The following FLYWCH2 variants were observed in gnomAD, a reference collection of about 807,000 sequenced individuals.
FLYWCH2 encodes the protein FLYWCH family member 2.
FLYWCH2 carries 2 observed loss-of-function variants against 6.0 expected under a neutral mutation model. The ratio of observed to expected loss-of-function variants is 0.33; its 90% CI spans 0.14 to 1.04. The LOEUF (loss-of-function observed/expected upper bound fraction) is 1.04, where lower values mean the gene tolerates loss of function less well. Ranked by LOEUF, FLYWCH2 falls within the 50% of genes least tolerant of loss-of-function variation. FLYWCH2 has a pLI of 0.45. For synonymous variants in FLYWCH2, 87 were observed against 79.3 expected (o/e 1.10, Z -0.52); for missense variants, 192 against 183.4 (o/e 1.05, Z -0.27).
In FLYWCH2 at chr16:2,890,972, T is replaced by A. The variant is rs180926795; in HGVS notation, c.-199-4248T>A. Among the ~76,000 whole-genome samples, 14 of 152,336 alleles carry A rather than the reference T, an allele frequency of 9.2e-5. No homozygotes were observed. In the East Asian group the frequency reaches 2.7e-3, roughly 29 times the overall value. On this transcript the variant is annotated intron_variant, in intron 1 of 3. Transcript: ENST00000396958. Reference sequence around the variant, plus strand: ...AGTGTCCGCACATACTGTTTAGAATTCCTCTTAAGGAAGATTTGTCCCTTC... The same window carrying A: ...AGTGTCCGCACATACTGTTTAGAATACCTCTTAAGGAAGATTTGTCCCTTC...
intron 1 of FLYWCH2, among the ~76,000 whole-genome samples, chr16:2,883,852 A>G (rs368982178): frequency 1.3e-5 from 2 of 152,220 alleles, no homozygotes; most frequent in Non-Finnish European, 2.9e-5. Context: ...TTTGATGCCA[A>G]TTGCATTGGG....
In FLYWCH2 at chr16:2,896,722, T is replaced by C; in HGVS notation, c.273T>C (p.Ile91=). ...CCCACCCCGAGGCCCAGCGGGCCATTGAGGCAGCCCCTCAGGAGCCTGAGC... is the reference window on the plus strand; with the variant it reads ...CCCACCCCGAGGCCCAGCGGGCCATCGAGGCAGCCCCTCAGGAGCCTGAGC... ...LQTHPEAQRA[I]EAAPQEPEQK... The change falls in exon 3 of 4, where the codon ATT becomes ATC. Residue 91 remains isoleucine, a synonymous_variant. Coordinates refer to ENST00000396958, the MANE Select transcript of FLYWCH2 (RefSeq NM_138439.3). 6.2e-7 allele frequency: 1 copy of C among 1,612,220 alleles called. No individual in the cohort carries two copies.
intron 1 of FLYWCH2, among the ~76,000 whole-genome samples, chr16:2,885,985 C>G (rs542443911): frequency 6.6e-6 from 1 of 152,172 alleles, no homozygotes; most frequent in African/African-American, 2.4e-5. Flanking sequence ...CTCATCCTCA[C>G]CAGCACTTGC....
intron 1 of FLYWCH2, among the ~76,000 whole-genome samples, chr16:2,884,574 A>AAAAAAAAAAAAAAC (rs1183267272): frequency 2.1e-5 from 3 of 144,508 alleles, no homozygotes; most frequent in Non-Finnish European, 4.6e-5. Context: ...AAAAAAAAAA[A>AAAAAAAAAAAAAAC]AAATACAAAA....
Position 2,899,108 on chromosome 16 carries a change from A to G in FLYWCH2, c.382A>G (p.Asn128Asp). The change falls in exon 4 of 4, where the codon AAC becomes GAC. Residue 128 changes from asparagine (N) to aspartate (D), a missense_variant. By Grantham distance (23) the Asn-to-Asp change is conservative. Transcript: ENST00000396958. ...AAGPPEAAGE[N>D]FAPCSVAPGK... is the part of the protein sequence containing the mutation. ...GGGGCCTCCTGAGGCTGCTGGGGAGAACTTTGCCCCCTGCTCTGTGGCGCC... is the reference window on the plus strand; with the variant it reads ...GGGGCCTCCTGAGGCTGCTGGGGAGGACTTTGCCCCCTGCTCTGTGGCGCC... 9.3e-6 allele frequency: 15 copies of G among 1,613,576 alleles called. No individual in the cohort carries two copies. The highest frequency in any genetic ancestry group is 1.3e-5 in the Non-Finnish European group (15 of 1,179,842).
chr16:2,889,126 GT>G (rs201542187), intron 1 of FLYWCH2, among the ~76,000 whole-genome samples: 41 of 96,454 alleles, frequency 4.3e-4, no homozygotes, highest in Middle Eastern at 5.2e-3. Flanking sequence ...AAAATTTGGT[GT>G]TTTTTTGTTG....
rs1266372852 is a variant in FLYWCH2, at chr16:2,883,785, TC to T, written c.-200+420del. On this transcript the variant is annotated intron_variant, in intron 1 of 3. Coordinates refer to ENST00000396958, the MANE Select transcript of FLYWCH2 (RefSeq NM_138439.3). ...ACTCGGGGCCTCAGGGTGTGGGTAT[TC>T]TTGAGAGAGGAGAGAGCCGGGGAGC... Among the ~76,000 whole-genome samples the T allele has an allele frequency of 2.0e-5, 3 of 152,128 alleles. No individual in the cohort carries two copies. In the East Asian group the frequency reaches 5.8e-4, roughly 29 times the overall value.
chr16:2,884,250 C>T (rs549343917), intron 1 of FLYWCH2, among the ~76,000 whole-genome samples: 5 of 152,188 alleles, frequency 3.3e-5, no homozygotes, highest in South Asian at 2.1e-4. Context: ...GATTTGTCCT[C>T]GCGGCTGAGG....
Position 2,883,261 on chromosome 16 carries a change from C to T in FLYWCH2, c.-305C>T, listed in dbSNP as rs1448274444. On this transcript the variant is annotated 5_prime_UTR_variant, in exon 1 of 4. Coordinates refer to ENST00000396958, the MANE Select transcript of FLYWCH2 (RefSeq NM_138439.3). ...CTTGCTGCGCATGCTCGCGCTGTGA[C>T]CCCGGCTTGAGGTAACAGCGCGAGC... 3 of 152,298 alleles carry T rather than the reference C, an allele frequency of 2.0e-5. No individual in the cohort carries two copies. The East Asian group carries it at 5.8e-4, about 29-fold the overall frequency. The allele number at this position is 152,298 out of a possible 1,614,324, so 9.4% of individuals were successfully genotyped here. A position where few individuals can be genotyped will look rare whatever the true frequency, so the allele number is the denominator to read the frequency against.
Position 2,896,636 on chromosome 16 carries a change from C to T in FLYWCH2, c.187C>T (p.His63Tyr), listed in dbSNP as rs1444391062. The T allele has an allele frequency of 6.2e-7, 1 of 1,613,876 alleles. No homozygotes were observed. The highest frequency in any genetic ancestry group is 8.5e-7 in the Non-Finnish European group (1 of 1,179,978). Residue 63 changes from histidine (H) to tyrosine (Y), a missense_variant, in exon 3 of 4, where the codon CAC (histidine) becomes TAC (tyrosine). Transcript: ENST00000396958. ...GGCGGGGGCCAAGCGCAAGGGTGTG[C>T]ACTGTGTCATGTCCCTGGGGGTGCC... ...KVAGAKRKGV[H>Y]CVMSLGVPGP...
intron 1 of FLYWCH2, among the ~76,000 whole-genome samples, chr16:2,890,728 G>C (rs996418595): frequency 6.6e-6 from 1 of 151,954 alleles, no homozygotes; most frequent in Non-Finnish European, 1.5e-5. Flanking sequence ...AGCCACGCCT[G>C]ACTAATTTTT....
intron 1 of FLYWCH2, among the ~76,000 whole-genome samples, chr16:2,890,175 G>A (rs1429627113): frequency 6.6e-6 from 1 of 151,194 alleles, no homozygotes; most frequent in Non-Finnish European, 1.5e-5. Flanking sequence ...GGTGTAATCT[G>A]GGATCTGATC....
chr16:2,883,348 G>A lies in FLYWCH2; in HGVS notation c.-218G>A, dbSNP rs2069661712. The A allele has an allele frequency of 6.6e-6, 1 of 152,336 alleles. No homozygotes were observed. Among genetic ancestry groups the A allele is most frequent in the Non-Finnish European group, 1.5e-5 (1 of 68,120 alleles). 9.4% of individuals were successfully genotyped at this position (152,336 alleles called of 1,614,324 possible). A position where few individuals can be genotyped will look rare whatever the true frequency, so the allele number is the denominator to read the frequency against. ...CGCCGCGGCGCTGTCGCCGGAGAGG[G>A]AGGGCACCGCTGTCGTCGGTGAGGA... On this transcript the variant is annotated 5_prime_UTR_variant, in exon 1 of 4. Coordinates refer to ENST00000396958, the MANE Select transcript of FLYWCH2 (RefSeq NM_138439.3).
At chr16:2,892,504 A>AC (rs2150847592) in intron 1 of FLYWCH2, among the ~76,000 whole-genome samples, 1 of 148,860 alleles carries the variant, frequency 6.7e-6, no homozygotes, top group South Asian at 2.1e-4. Flanking sequence ...TCAAAAAAAA[A>AC]ACACAATTTA....
At chr16:2,898,279 G>T (rs1370333539) in intron 3 of FLYWCH2, among the ~76,000 whole-genome samples, 2 of 152,142 alleles carry the variant, frequency 1.3e-5, no homozygotes, top group African/African-American at 4.8e-5. Flanking sequence ...GCAGTGCTCT[G>T]GGACTCAGAG....
chr16:2,898,356 C>G (rs2069846217), intron 3 of FLYWCH2, among the ~76,000 whole-genome samples: 1 of 152,202 alleles, frequency 6.6e-6, no homozygotes, highest in Non-Finnish European at 1.5e-5. Context: ...CCATCCAGTC[C>G]TGCTCTGAGA....
chr16:2,893,488 C>T (rs1289956647), intron 1 of FLYWCH2, among the ~76,000 whole-genome samples: 1 of 152,192 alleles, frequency 6.6e-6, no homozygotes, highest in African/African-American at 2.4e-5. Context: ...CGATTCCCTT[C>T]TTGTTACAGC....
intron 1 of FLYWCH2, among the ~76,000 whole-genome samples, chr16:2,890,399 A>C: frequency 6.9e-6 from 1 of 144,716 alleles, no homozygotes; most frequent in East Asian, 2.0e-4. Context: ...CTAGGTGCAC[A>C]GCACCATGCC....
chr16:2,895,513 G>A (rs1430718161), intron 2 of FLYWCH2, among the ~76,000 whole-genome samples, 193 bp downstream of exon 2: 1 of 152,240 alleles, frequency 6.6e-6, no homozygotes, highest in Non-Finnish European at 1.5e-5. Flanking sequence ...ACTCGGAGAG[G>A]TTGAGGCAGG....
Sources: allele counts gnomAD v4.1 joint callset (sites outside exome capture counted in the v4.1 genomes callset), GRCh38; gene constraint gnomAD v4.1.1; transcripts MANE v1.5; gene names NCBI Gene and HGNC (gene_info 2026-07-23, HGNC 2026-07-21).